Variants in PCDH9 observed in about 807,000 individuals in gnomAD.
PCDH9 encodes the protein protocadherin 9, also known as protocadherin-9.
A neutral mutation model predicts 70.6 loss-of-function variants in PCDH9; 24 were observed. That is an observed-to-expected ratio of 0.34 (90% CI 0.25 to 0.48). The LOEUF (loss-of-function observed/expected upper bound fraction) is 0.48. PCDH9 is among the 20% of genes least tolerant of loss of function. PCDH9 has a pLI of 0.99. For synonymous variants in PCDH9, 562 were observed against 558.5 expected (o/e 1.01, Z -0.09); for missense variants, 1,281 against 1,503.6 (o/e 0.85, Z 2.45).
intron 2 of PCDH9, among the ~76,000 whole-genome samples, chr13:67,129,258 A>C (rs1166501518): frequency 6.6e-6 from 1 of 152,214 alleles, no homozygotes; most frequent in Non-Finnish European, 1.5e-5. Flanking sequence ...AACAAAACAA[A>C]GCCAACTCTT....
rs996675992 is a variant in PCDH9, at chr13:67,059,372, A to G, written c.3037-155767T>C. On this transcript the variant is annotated intron_variant, in intron 2 of 4. Coordinates refer to ENST00000377865, the MANE Select transcript of PCDH9 (RefSeq NM_203487.3). ...TATATATTATATATATATAGTGTGT[A>G]TATATATATATAGTATATAGTATAT... is the stretch of plus-strand genomic sequence containing the variant. Among the ~76,000 whole-genome samples the G allele has an allele frequency of 5.1e-4, 73 of 143,026 alleles. 2 individuals are homozygous for G. In the South Asian group the frequency reaches 9.8e-3, roughly 19 times the overall value. 93.8% of individuals were successfully genotyped at this position (143,026 alleles called of 152,430 possible). A position where few individuals can be genotyped will look rare whatever the true frequency, so the allele number is the denominator to read the frequency against.
chr13:66,748,959 G>A (rs1237518555), intron 3 of PCDH9, among the ~76,000 whole-genome samples: 1 of 152,114 alleles, frequency 6.6e-6, no homozygotes, highest in Non-Finnish European at 1.5e-5. Flanking sequence ...ATGATAATGA[G>A]TAAGTACTCA....
chr13:66,991,754 C>T (rs1390593598), intron 2 of PCDH9, among the ~76,000 whole-genome samples: 2 of 151,888 alleles, frequency 1.3e-5, no homozygotes, highest in East Asian at 3.9e-4. Context: ...GCACCCTTTT[C>T]ATAAAGGAAA....
chr13:66,443,104 A>T (rs899561104), intron 4 of PCDH9, among the ~76,000 whole-genome samples: 2 of 152,240 alleles, frequency 1.3e-5, no homozygotes, highest in Non-Finnish European at 1.5e-5. Context: ...TCAGAAAACT[A>T]AAACAGACAG....
chr13:66,623,042 G>A (rs780070070), intron 4 of PCDH9, among the ~76,000 whole-genome samples: 2 of 152,116 alleles, frequency 1.3e-5, no homozygotes, highest in Non-Finnish European at 2.9e-5. Context: ...CCGCGAGACC[G>A]CGAACCCACC....
At chr13:66,597,508 G>T (rs1400154959) in intron 4 of PCDH9, among the ~76,000 whole-genome samples, 1 of 151,686 alleles carries the variant, frequency 6.6e-6, no homozygotes, top group African/African-American at 2.4e-5. Context: ...AAATGGTGCT[G>T]GGAAGACTGG....
rs59768088 is a variant in PCDH9, at chr13:66,736,577, C to G, written c.3139-105166G>C. Among the ~76,000 whole-genome samples, 592 of 152,086 alleles carry G rather than the reference C, an allele frequency of 3.9e-3. 5 individuals are homozygous for G. The highest frequency in any genetic ancestry group is 0.014 in the African/African-American group (574 of 41,374). Reference sequence around the variant, plus strand: ...TATTGTGACATTTTACTATGGCAGCCCTAGCAAACGAATATAGCCTTCTAA... The same window carrying G: ...TATTGTGACATTTTACTATGGCAGCGCTAGCAAACGAATATAGCCTTCTAA... On this transcript the variant is annotated intron_variant, in intron 3 of 4. Transcript: ENST00000377865.
intron 4 of PCDH9, among the ~76,000 whole-genome samples, chr13:66,506,065 A>G (rs1959210176): frequency 6.6e-6 from 1 of 152,192 alleles, no homozygotes; most frequent in Non-Finnish European, 1.5e-5. Context: ...ATGCTCTTAT[A>G]GTAAATTGCT....
chr13:66,402,336 GA>G (rs1296044162), intron 4 of PCDH9, among the ~76,000 whole-genome samples: 2 of 151,452 alleles, frequency 1.3e-5, no homozygotes, highest in Non-Finnish European at 2.9e-5. Context: ...TTATGCTTAA[GA>G]AAAAAAATGA....
At chr13:66,310,541 A>T (rs1955543718) in intron 4 of PCDH9, among the ~76,000 whole-genome samples, 2 of 152,036 alleles carry the variant, frequency 1.3e-5, no homozygotes, top group African/African-American at 4.8e-5. Flanking sequence ...TGGCCTGTTG[A>T]CCACCGACCT....
chr13:66,902,345 CCACTAATGT>C (rs149198128), intron 3 of PCDH9, among the ~76,000 whole-genome samples: 2,694 of 151,724 alleles, frequency 0.018, 31 homozygotes, highest in Non-Finnish European at 0.028. Flanking sequence ...CTTTCAACTT[CCACTAATGT>C]TTTATCTAAA....
At chr13:66,578,835 G>A (rs1385760407) in intron 4 of PCDH9, among the ~76,000 whole-genome samples, 1 of 152,054 alleles carries the variant, frequency 6.6e-6, no homozygotes, top group Non-Finnish European at 1.5e-5. Context: ...AGCCAACTGA[G>A]TTCACCCTGT....
intron 4 of PCDH9, chr13:66,630,632 G>A (rs2077557524): frequency 6.6e-6 from 1 of 151,942 alleles, no homozygotes; most frequent in African/African-American, 2.4e-5. Flanking sequence ...AAGAATTCAA[G>A]TAGACAATAA....
At chr13:66,817,394 CA>C (rs1333893297) in intron 3 of PCDH9, among the ~76,000 whole-genome samples, 1 of 152,062 alleles carries the variant, frequency 6.6e-6, no homozygotes, top group Non-Finnish European at 1.5e-5. Context: ...CTGTTTGATA[CA>C]TATTACTGAA....
rs183031567 is a variant in PCDH9 at position 66,785,534 on chromosome 13, C to A, written c.3138+117970G>T. Among the ~76,000 whole-genome samples, 561 of 151,234 alleles carry A rather than the reference C, an allele frequency of 3.7e-3. 5 individuals carry two copies. The highest frequency in any genetic ancestry group is 0.016 in the South Asian group (75 of 4,738). On this transcript the variant is annotated intron_variant, in intron 3 of 4. Coordinates refer to ENST00000377865, the MANE Select transcript of PCDH9 (RefSeq NM_203487.3). ...GTGGAGATATCCTAGAAGTATTTAC[C>A]CCAGAGAATATATATTGATCAAAAC...
At chr13:66,482,288 C>T (rs549555220) in intron 4 of PCDH9, among the ~76,000 whole-genome samples, 12 of 152,304 alleles carry the variant, frequency 7.9e-5, no homozygotes, top group African/African-American at 2.9e-4. Flanking sequence ...GGCAGTTGGC[C>T]TTTTAATCTA....
At chr13:66,512,282 T>TTATATATATATATA (rs35496834) in intron 4 of PCDH9, among the ~76,000 whole-genome samples, 49 of 144,432 alleles carry the variant, frequency 3.4e-4, no homozygotes, top group African/African-American at 1.2e-3. Flanking sequence ...ACCTTAGGAA[T>TTATATATATATATA]TATATATATA....
rs576495240 is a variant in PCDH9, at chr13:66,555,033, G to A, written c.3340+76177C>T. Among the ~76,000 whole-genome samples, 5 of 152,226 alleles carry A rather than the reference G, an allele frequency of 3.3e-5. No individual in the cohort carries two copies. In the South Asian group the frequency reaches 1.0e-3, roughly 32 times the overall value. Reference sequence around the variant, plus strand: ...AAAAATACAAAATTAGCCTGGTGTGGTGGCACATGCCTGTAATCCCAGCTA... The same window carrying A: ...AAAAATACAAAATTAGCCTGGTGTGATGGCACATGCCTGTAATCCCAGCTA... On this transcript the variant is annotated intron_variant, in intron 4 of 4. Transcript: ENST00000377865.
At chr13:67,023,349 T>A (rs2084716767) in intron 2 of PCDH9, among the ~76,000 whole-genome samples, 2 of 152,172 alleles carry the variant, frequency 1.3e-5, no homozygotes, top group South Asian at 2.1e-4. Flanking sequence ...CACATTAGCA[T>A]CCTTTGTAAC....
Sources: allele counts gnomAD v4.1 joint callset (sites outside exome capture counted in the v4.1 genomes callset), GRCh38; gene constraint gnomAD v4.1.1; transcripts MANE v1.5; gene names NCBI Gene and HGNC (gene_info 2026-07-23, HGNC 2026-07-21).